The following IFT88 variants were observed in gnomAD, a reference collection of about 807,000 sequenced individuals.
IFT88 encodes the protein intraflagellar transport protein 88 homolog.
A neutral mutation model predicts 119.5 loss-of-function variants in IFT88; 74 were observed. That is an observed-to-expected ratio of 0.62 (90% CI 0.51 to 0.75). The LOEUF (loss-of-function observed/expected upper bound fraction) is 0.75. Ranked by LOEUF, IFT88 falls within the 30% of genes least tolerant of loss-of-function variation. IFT88 has a pLI of 0.00. For missense variants in IFT88, 961 were observed against 977.7 expected (o/e 0.98, Z 0.23); for synonymous variants, 279 against 316.7 (o/e 0.88, Z 1.26).
chr13:20,669,417 T>C (rs543268783), intron 23 of IFT88, among the ~76,000 whole-genome samples: 1 of 137,988 alleles, frequency 7.2e-6, no homozygotes, highest in Non-Finnish European at 1.6e-5. Flanking sequence ...ATGAATTTAT[T>C]TTCAGCATTT....
rs149818223 is a variant in IFT88 at position 20,598,739 on chromosome 13, T to G, written c.683T>G (p.Met228Arg). 1.3e-6 allele frequency: 2 copies of G among 1,594,302 alleles called. No individual in the cohort carries two copies. The highest frequency in any genetic ancestry group is 2.7e-5 in the African/African-American group (2 of 74,554). ...NTYQVIVKNK[M>R]FSNAGILKMN... is the part of the protein sequence containing the mutation. ...TATCAAGTTATAGTCAAAAATAAGA[T>G]GTTTAGCAATGCAGGTAAGTGTACA... Residue 228 changes from methionine (M) to arginine (R), a missense_variant, in exon 10 of 26, where the codon ATG becomes AGG. Coordinates refer to ENST00000351808, the MANE Select transcript of IFT88 (RefSeq NM_006531.5).
At chr13:20,657,422 A>G (rs2053021536) in intron 22 of IFT88, among the ~76,000 whole-genome samples, 1 of 152,216 alleles carries the variant, frequency 6.6e-6, no homozygotes, top group Admixed American at 6.5e-5. Flanking sequence ...GGAAAGAGAA[A>G]AGTTACAAGC....
At chr13:20,567,866 TTG>T (rs1239143534) in intron 1 of IFT88, 27 of 944,558 alleles carry the variant, frequency 2.9e-5, no homozygotes, top group Non-Finnish European at 4.1e-5. Flanking sequence ...TTTTTTTTGT[TTG>T]TTTTTTTTTT....
intron 16 of IFT88, among the ~76,000 whole-genome samples, chr13:20,637,040 A>T (rs2049118801): frequency 6.6e-6 from 1 of 152,248 alleles, no homozygotes; most frequent in Admixed American, 6.5e-5. Context: ...AAGAAGTCAG[A>T]CACAAAAGAC....
intron 19 of IFT88, among the ~76,000 whole-genome samples, chr13:20,644,256 T>G (rs1009034220): frequency 2.6e-5 from 4 of 152,052 alleles, no homozygotes; most frequent in Non-Finnish European, 5.9e-5. Context: ...TCCCAGCACT[T>G]TGGGAGGCCA....
chr13:20,682,303 A>G (rs2141193846), intron 24 of IFT88, among the ~76,000 whole-genome samples: 1 of 152,334 alleles, frequency 6.6e-6, no homozygotes, highest in South Asian at 2.1e-4. Context: ...CAGCAAGTCT[A>G]AAGTCTTTGT....
chr13:20,632,019 C>T (rs2048276699), intron 16 of IFT88: 1 of 151,598 alleles, frequency 6.6e-6, no homozygotes, highest in Non-Finnish European at 1.5e-5. Flanking sequence ...TGGTGCATGC[C>T]TATAGTCCCA....
At chr13:20,582,891 T>G in intron 2 of IFT88, 66 bp from the exon 3 acceptor site, 3 of 1,303,396 alleles carry the variant, frequency 2.3e-6, no homozygotes, top group Non-Finnish European at 3.3e-6. Flanking sequence ...CAAACAGCAG[T>G]TTAAACTTAT....
At chr13:20,594,853 T>C (rs1401774539) in intron 7 of IFT88, among the ~76,000 whole-genome samples, 2 of 152,234 alleles carry the variant, frequency 1.3e-5, no homozygotes, top group Non-Finnish European at 1.5e-5. Context: ...GAAAAAGTTA[T>C]GCTGCTCAAT....
At chr13:20,608,717 G>A (rs1414401187) in intron 13 of IFT88, among the ~76,000 whole-genome samples, 1 of 152,194 alleles carries the variant, frequency 6.6e-6, no homozygotes, top group Non-Finnish European at 1.5e-5. Flanking sequence ...CCACAGAGAT[G>A]GATCCCGTTT....
chr13:20,631,132 A>G (rs1428396223), intron 16 of IFT88, 30 bp downstream of exon 16: 1 of 1,336,944 alleles, frequency 7.5e-7, no homozygotes, highest in Non-Finnish European at 1.1e-6. Flanking sequence ...AGAGTTAATC[A>G]TATGCTATTT....
intron 23 of IFT88, among the ~76,000 whole-genome samples, chr13:20,670,028 C>T (rs981778616): frequency 3.9e-5 from 6 of 152,132 alleles, no homozygotes; most frequent in African/African-American, 1.4e-4. Context: ...TTCTTCCTAG[C>T]AAACCACAGA....
intron 5 of IFT88, 123 bp from the exon 6 acceptor site, chr13:20,591,495 C>T (rs915131209): frequency 2.3e-5 from 14 of 602,620 alleles, no homozygotes; most frequent in Admixed American, 6.5e-5. Flanking sequence ...AAGGAGTAAA[C>T]GTATAGTGAT....
At chr13:20,637,380 G>A (rs2049176858) in intron 16 of IFT88, among the ~76,000 whole-genome samples, 1 of 152,184 alleles carries the variant, frequency 6.6e-6, no homozygotes, top group South Asian at 2.1e-4. Context: ...AGTTGTGAAG[G>A]AGCCATGGCG....
intron 23 of IFT88, among the ~76,000 whole-genome samples, chr13:20,665,468 A>C (rs984797761): frequency 4.6e-5 from 7 of 152,204 alleles, no homozygotes; most frequent in African/African-American, 1.7e-4. Flanking sequence ...AAAAAATGCA[A>C]TTTTTAAAAA....
chr13:20,622,113 G>GT (rs1428525785), intron 14 of IFT88, among the ~76,000 whole-genome samples: 2 of 152,130 alleles, frequency 1.3e-5, no homozygotes, highest in Non-Finnish European at 2.9e-5. Context: ...GAATATTTCT[G>GT]TTTACCAATT....
chr13:20,679,140 T>C (rs2057036846), intron 24 of IFT88, among the ~76,000 whole-genome samples: 1 of 152,126 alleles, frequency 6.6e-6, no homozygotes, highest in Admixed American at 6.6e-5. Context: ...AGATGAGGAG[T>C]AATGCAAAAA....
intron 12 of IFT88, among the ~76,000 whole-genome samples, chr13:20,603,700 A>C (rs1410702168): frequency 2.6e-5 from 4 of 152,078 alleles, no homozygotes; most frequent in African/African-American, 9.7e-5. Flanking sequence ...GTTCAAGATC[A>C]GCCTGCGCAA....
chr13:20,670,389 A>AGT (rs1422836782), intron 23 of IFT88, among the ~76,000 whole-genome samples: 2 of 152,170 alleles, frequency 1.3e-5, no homozygotes, highest in Non-Finnish European at 2.9e-5. Context: ...ACAATGCCAC[A>AGT]GTGTGGAGAT....
Sources: allele counts gnomAD v4.1 joint callset (sites outside exome capture counted in the v4.1 genomes callset), GRCh38; gene constraint gnomAD v4.1.1; transcripts MANE v1.5; gene names NCBI Gene and HGNC (gene_info 2026-07-23, HGNC 2026-07-21).